The following PACSIN1 variants were observed in gnomAD, a reference collection of about 807,000 sequenced individuals.
The protein encoded by PACSIN1 is protein kinase C and casein kinase substrate in neurons protein 1.
A neutral mutation model predicts 59.5 loss-of-function variants in PACSIN1; 15 were observed. That is an observed-to-expected ratio of 0.25 (90% CI 0.17 to 0.39). The LOEUF (loss-of-function observed/expected upper bound fraction) is 0.39. Among genes scored for constraint, PACSIN1 ranks in the 10% least tolerant of loss-of-function variants. The probability of loss-of-function intolerance (pLI) is 1.00; values close to 1 mark genes in which losing one functional copy is unlikely to be tolerated. For synonymous variants in PACSIN1, 210 were observed against 220.6 expected, an observed-to-expected ratio of 0.95 and a Z score of 0.42; for missense variants, 420 against 580.2, an observed-to-expected ratio of 0.72 and a Z score of 2.84.
chr6:34,474,790 G>GA (rs60232588), intron 1 of PACSIN1, among the ~76,000 whole-genome samples: 10,244 of 78,294 alleles, frequency 0.13, 1,212 homozygotes, highest in African/African-American at 0.28. Context: ...CTCTGTCTCA[G>GA]AAAAAAAAAA....
chr6:34,532,536 C>T lies in PACSIN1; in HGVS notation c.*6C>T, dbSNP rs1485806358. 3 of 1,492,676 alleles carry T rather than the reference C, an allele frequency of 2.0e-6. No homozygotes were observed. The highest frequency in any genetic ancestry group is 4.1e-5 in the Admixed American group (2 of 49,054). 92.5% of individuals were successfully genotyped at this position (1,492,676 alleles called of 1,614,324 possible). ...ACTACGTGGAGGCTATCTAGAGGCCCCCTCCCTCCATACTCCCGTCACTCC... is the reference window on the plus strand; with the variant it reads ...ACTACGTGGAGGCTATCTAGAGGCCTCCTCCCTCCATACTCCCGTCACTCC... On this transcript the variant is annotated 3_prime_UTR_variant, in exon 10 of 10. Transcript: ENST00000244458. The surrounding 1 kb of genome is among the most constrained non-coding windows in gnomAD (Gnocchi z 5.2).
chr6:34,530,739 G>C lies in PACSIN1; in HGVS notation c.1037+152G>C, dbSNP rs747178336. The C allele has an allele frequency of 6.8e-6, 6 of 887,644 alleles. No individual in the cohort carries two copies. Among genetic ancestry groups the C allele is most frequent in the Non-Finnish European group, 9.2e-6 (6 of 655,282 alleles). The allele number at this position is 887,644 out of a possible 1,614,324, so 55.0% of individuals were successfully genotyped here. ...GGTAGTTCATCACTCTAAAGCAGCC[G>C]TCCCCAATCTTTTTGGGACCAGGGA... On this transcript the variant is annotated intron_variant, in intron 8 of 9. Transcript: ENST00000244458. The surrounding 1 kb of genome is among the most constrained non-coding windows in gnomAD (Gnocchi z 4.4).
Position 34,525,256 on chromosome 6 carries a change from C to T in PACSIN1, c.-63-987C>T, listed in dbSNP as rs1767462574. On this transcript the variant is annotated intron_variant, in intron 1 of 9. Coordinates refer to ENST00000244458, the MANE Select transcript of PACSIN1 (RefSeq NM_020804.5). The surrounding 1 kb of genome is among the most constrained non-coding windows in gnomAD (Gnocchi z 4.9). ...AATATGTTTAGATGCCTGAGGGGTG[C>T]AAGAGGCAATACTGGGTTATTACTG... Among the ~76,000 whole-genome samples, 1 of 152,198 alleles carries T rather than the reference C, an allele frequency of 6.6e-6. No individual in the cohort carries two copies.
At chr6:34,494,596 C>T (rs1008144944) in intron 1 of PACSIN1, among the ~76,000 whole-genome samples, 1 of 152,084 alleles carries the variant, frequency 6.6e-6, no homozygotes, top group African/African-American at 2.4e-5. Flanking sequence ...TTGTGCACCC[C>T]CCATGCCTGG....
At chr6:34,519,249 C>A (rs1185672556) in intron 1 of PACSIN1, among the ~76,000 whole-genome samples, 1 of 152,138 alleles carries the variant, frequency 6.6e-6, no homozygotes, top group Non-Finnish European at 1.5e-5. Context: ...CTGCCCTGGG[C>A]CTCTCTGGGG....
In PACSIN1 at chr6:34,486,905, G is replaced by A. The variant is rs58782565; in HGVS notation, c.-64+20635G>A. On this transcript the variant is annotated intron_variant, in intron 1 of 9. Transcript: ENST00000244458. ...GATATAGTTGGGTGTGGTGGCTCACGCCTATAATCCCAGCACTTTGGGAGG... is the reference window on the plus strand; with the variant it reads ...GATATAGTTGGGTGTGGTGGCTCACACCTATAATCCCAGCACTTTGGGAGG... 5.3e-3 allele frequency among the ~76,000 whole-genome samples: 810 copies of A among 151,572 alleles called. 8 individuals are homozygous for A. Among genetic ancestry groups the A allele is most frequent in the African/African-American group, 0.014 (557 of 41,170 alleles).
intron 1 of PACSIN1, among the ~76,000 whole-genome samples, chr6:34,522,952 A>G (rs980719921): frequency 2.6e-5 from 4 of 152,174 alleles, no homozygotes; most frequent in Non-Finnish European, 5.9e-5. Context: ...ACATTGCATG[A>G]GGGCAGATCT....
At chr6:34,485,580 C>T (rs774001951) in intron 1 of PACSIN1, among the ~76,000 whole-genome samples, 1 of 152,170 alleles carries the variant, frequency 6.6e-6, no homozygotes, top group East Asian at 1.9e-4. Context: ...CATCTGGGGA[C>T]ATGTGGCCTG....
intron 1 of PACSIN1, among the ~76,000 whole-genome samples, chr6:34,490,467 C>T (rs947707484): frequency 1.3e-5 from 2 of 152,038 alleles, no homozygotes; most frequent in South Asian, 2.1e-4. Flanking sequence ...CATGGCTTGG[C>T]GGGTCTGGCA....
At chr6:34,491,627 T>C (rs1449813892) in intron 1 of PACSIN1, among the ~76,000 whole-genome samples, 1 of 152,002 alleles carries the variant, frequency 6.6e-6, no homozygotes, top group Non-Finnish European at 1.5e-5. Flanking sequence ...TTTTTTTTTT[T>C]TGAGGCGAAG....
At chr6:34,486,780 C>G (rs1238203637) in intron 1 of PACSIN1, among the ~76,000 whole-genome samples, 1 of 151,206 alleles carries the variant, frequency 6.6e-6, no homozygotes, top group African/African-American at 2.4e-5. Flanking sequence ...GGGACAGTGC[C>G]TCTTCCCCAC....
At chr6:34,508,724 T>C (rs1767153233) in intron 1 of PACSIN1, among the ~76,000 whole-genome samples, 1 of 152,202 alleles carries the variant, frequency 6.6e-6, no homozygotes, top group Non-Finnish European at 1.5e-5. Flanking sequence ...TCCTGACAGG[T>C]ATGAGGTGAT....
chr6:34,523,404 G>A (rs906338045), intron 1 of PACSIN1, among the ~76,000 whole-genome samples: 1 of 152,278 alleles, frequency 6.6e-6, no homozygotes, highest in African/African-American at 2.4e-5. Context: ...CAGCTACAGT[G>A]TGGGAGTGAC....
chr6:34,475,246 G>A (rs931768327), intron 1 of PACSIN1, among the ~76,000 whole-genome samples: 4 of 152,042 alleles, frequency 2.6e-5, no homozygotes, highest in Non-Finnish European at 5.9e-5. Flanking sequence ...CCTGCCCACA[G>A]AGCTGACCGC....
chr6:34,504,290 A>AT (rs368149319), intron 1 of PACSIN1, among the ~76,000 whole-genome samples: 7 of 94,078 alleles, frequency 7.4e-5, no homozygotes, highest in Non-Finnish European at 1.4e-4. Context: ...ATATATATAT[A>AT]TTTTTTTTTT....
chr6:34,485,052 G>A (rs753746618), intron 1 of PACSIN1: 1 of 152,208 alleles, frequency 6.6e-6, no homozygotes, highest in African/African-American at 2.4e-5. Flanking sequence ...AGCACAGGGG[G>A]TCTGGAGTGG....
chr6:34,532,378 G>C lies in PACSIN1; in HGVS notation c.1226-43G>C. The C allele has an allele frequency of 7.4e-7, 1 of 1,348,682 alleles. No homozygotes were observed. Among genetic ancestry groups the C allele is most frequent in the Non-Finnish European group, 1.0e-6 (1 of 962,772 alleles). 83.5% of individuals were successfully genotyped at this position (1,348,682 alleles called of 1,614,324 possible). The stretch of plus-strand genomic sequence containing the variant: ...CTAGCAGCCGGTGCGTTGAGGGAGG[G>C]GCAGCCTTCTCTCTGAGCCCCTCCC... On this transcript the variant is annotated intron_variant, in intron 9 of 9. Coordinates refer to ENST00000244458, the MANE Select transcript of PACSIN1 (RefSeq NM_020804.5). The surrounding 1 kb of genome is among the most constrained non-coding windows in gnomAD (Gnocchi z 5.2).
At chr6:34,499,791 G>T (rs186815362) in intron 1 of PACSIN1, among the ~76,000 whole-genome samples, 221 of 151,186 alleles carry the variant, frequency 1.5e-3, no homozygotes, top group Non-Finnish European at 2.4e-3. Context: ...GTGAAACTTC[G>T]TCTCAATAAA....
rs113092635 is a variant in PACSIN1, at chr6:34,491,197, C to T, written c.-64+24927C>T. Among the ~76,000 whole-genome samples, 1,052 of 152,274 alleles carry T rather than the reference C, an allele frequency of 6.9e-3. 12 individuals are homozygous for T. The highest frequency in any genetic ancestry group is 0.024 in the African/African-American group (998 of 41,560). On this transcript the variant is annotated intron_variant, in intron 1 of 9. Coordinates refer to ENST00000244458, the MANE Select transcript of PACSIN1 (RefSeq NM_020804.5). Reference sequence around the variant, plus strand: ...GAGGATCTATTTGCTGCTAAAGAGGCCCTTGGCTTTCTCACTTGGCCTTAA... The same window carrying T: ...GAGGATCTATTTGCTGCTAAAGAGGTCCTTGGCTTTCTCACTTGGCCTTAA...
Sources: allele counts gnomAD v4.1 joint callset (sites outside exome capture counted in the v4.1 genomes callset), GRCh38; gene constraint gnomAD v4.1.1; non-coding constraint Gnocchi (gnomAD v3.1); transcripts MANE v1.5; gene names NCBI Gene and HGNC (gene_info 2026-07-23, HGNC 2026-07-21).